The following SNX29 variants were observed in gnomAD, a reference collection of about 807,000 sequenced individuals.
SNX29 encodes sorting nexin-29.
In SNX29, 78 loss-of-function variants were observed where a neutral mutation model predicts 102.1. The ratio of observed to expected loss-of-function variants is 0.76; its 90% CI spans 0.64 to 0.92. The LOEUF (loss-of-function observed/expected upper bound fraction) is 0.92, where lower values mean the gene tolerates loss of function less well. Ranked by LOEUF, SNX29 falls within the 40% of genes least tolerant of loss-of-function variation. The probability of loss-of-function intolerance (pLI) is 0.00; values close to 1 mark genes in which losing one functional copy is unlikely to be tolerated. For missense variants in SNX29, 1,280 were observed against 1,061.7 expected (o/e 1.21, Z -2.86); for synonymous variants, 580 against 414.5 (o/e 1.40, Z -4.85).
At position 12,037,592 on chromosome 16, in the gene SNX29, A is replaced by G. The variant is rs2057512061; in HGVS notation, c.248-5305A>G. Among the ~76,000 whole-genome samples, 7 of 152,220 alleles carry G rather than the reference A, an allele frequency of 4.6e-5. No individual in the cohort carries two copies. The South Asian group carries it at 1.5e-3, about 32-fold the overall frequency. On this transcript the variant is annotated intron_variant, in intron 4 of 20. Coordinates refer to ENST00000566228, the MANE Select transcript of SNX29 (RefSeq NM_032167.5). Reference sequence around the variant, plus strand: ...TCCACCCCTGCAGTAGGGGGAGGTTAGGATAGTGCTGAAGGATCCCAGTGG... The same window carrying G: ...TCCACCCCTGCAGTAGGGGGAGGTTGGGATAGTGCTGAAGGATCCCAGTGG...
intron 13 of SNX29, among the ~76,000 whole-genome samples, chr16:12,142,337 C>T (rs374392135): frequency 1.4e-4 from 22 of 152,122 alleles, no homozygotes; most frequent in Middle Eastern, 3.4e-3. Context: ...TTGTGCCCTT[C>T]GCCATTGTTA....
At chr16:12,046,538 G>A (rs2151195384) in intron 6 of SNX29, 84 bp downstream of exon 6, 11 of 1,307,614 alleles carry the variant, frequency 8.4e-6, no homozygotes, top group Admixed American at 1.8e-5. Flanking sequence ...GCGCCATGGA[G>A]TGTTGTGATT....
At chr16:12,021,390 C>T (rs1194303986) in intron 3 of SNX29, among the ~76,000 whole-genome samples, 1 of 151,708 alleles carries the variant, frequency 6.6e-6, no homozygotes, top group East Asian at 1.9e-4. Flanking sequence ...CGCGCCACTG[C>T]ACTCCATTTT....
chr16:12,010,129 G>C (rs529237682), intron 3 of SNX29, among the ~76,000 whole-genome samples: 2 of 152,322 alleles, frequency 1.3e-5, no homozygotes, highest in African/African-American at 4.8e-5. Context: ...GTTGTTATGA[G>C]TCAGTTCATG....
chr16:12,572,864 T>A lies in SNX29; in HGVS notation c.*4235T>A. ...CATGCCCAGGTTTCAGCCCTAAAGGTAATGATTGTCTTGACTCTGCCTTGG... is the reference window on the plus strand; with the variant it reads ...CATGCCCAGGTTTCAGCCCTAAAGGAAATGATTGTCTTGACTCTGCCTTGG... On this transcript the variant is annotated 3_prime_UTR_variant, in exon 21 of 21. Transcript: ENST00000566228. The A allele has an allele frequency of 9.4e-7, 1 of 1,063,340 alleles. No homozygotes were observed. The highest frequency in any genetic ancestry group is 1.1e-6 in the Non-Finnish European group (1 of 877,828). The allele number at this position is 1,063,340 out of a possible 1,614,324, so 65.9% of individuals were successfully genotyped here. A position where few individuals can be genotyped will look rare whatever the true frequency, so the allele number is the denominator to read the frequency against.
intron 15 of SNX29, among the ~76,000 whole-genome samples, chr16:12,311,190 T>C (rs1269564609): frequency 6.6e-5 from 10 of 152,204 alleles, no homozygotes; most frequent in Admixed American, 3.9e-4. Context: ...GGAGTTTTTT[T>C]CTGAACCCCC....
intron 18 of SNX29, among the ~76,000 whole-genome samples, chr16:12,425,481 C>T (rs942661151): frequency 6.9e-6 from 1 of 145,196 alleles, no homozygotes; most frequent in Admixed American, 7.0e-5. Flanking sequence ...AATTCCATTG[C>T]ACGCTGATTC....
chr16:12,317,909 G>A (rs928467241), intron 15 of SNX29, among the ~76,000 whole-genome samples: 9 of 152,264 alleles, frequency 5.9e-5, no homozygotes, highest in African/African-American at 1.9e-4. Flanking sequence ...CCGACTGAGA[G>A]CTGAAAGGTA....
In SNX29 at chr16:12,182,850, C is replaced by G. The variant is rs189981766; in HGVS notation, c.1596-16751C>G. The stretch of plus-strand genomic sequence containing the variant: ...TCAGAAGGCTGAGGCAGGAGACTCC[C>G]TTGAACCTGGGAGGCGGAGGTTGCA... On this transcript the variant is annotated intron_variant, in intron 13 of 20. Transcript: ENST00000566228. Among the ~76,000 whole-genome samples, 6 of 147,940 alleles carry G rather than the reference C, an allele frequency of 4.1e-5. No individual in the cohort carries two copies. The East Asian group carries it at 1.2e-3, about 30-fold the overall frequency.
At chr16:12,412,978 A>AGTAACC (rs2084467427) in intron 18 of SNX29, among the ~76,000 whole-genome samples, 1 of 152,182 alleles carries the variant, frequency 6.6e-6, no homozygotes. Flanking sequence ...TGCGCCCAGA[A>AGTAACC]GTAACCCATC....
intron 11 of SNX29, among the ~76,000 whole-genome samples, chr16:12,111,951 C>G (rs1463808777): frequency 1.3e-5 from 2 of 152,138 alleles, no homozygotes; most frequent in Non-Finnish European, 2.9e-5. Context: ...AATGCACAGT[C>G]TTCATTCCGG....
chr16:12,320,677 T>G (rs1326128235), intron 15 of SNX29, among the ~76,000 whole-genome samples: 3 of 152,136 alleles, frequency 2.0e-5, no homozygotes, highest in Non-Finnish European at 4.4e-5. Flanking sequence ...CTAAGATCAC[T>G]CCAGCATAGA....
rs182833934 is a variant in SNX29 at position 12,555,592 on chromosome 16, C to A, written c.2319-12914C>A. ...CTCTCACCTCCATTTCTCCCTGTAC[C>A]CAGCAGCTGCCCTTAGTCCAGTGTG... On this transcript the variant is annotated intron_variant, in intron 20 of 20. Coordinates refer to ENST00000566228, the MANE Select transcript of SNX29 (RefSeq NM_032167.5). Among the ~76,000 whole-genome samples, 397 of 151,984 alleles carry A rather than the reference C, an allele frequency of 2.6e-3. 1 individual carries two copies. The highest frequency in any genetic ancestry group is 9.0e-3 in the African/African-American group (374 of 41,438).
intron 13 of SNX29, among the ~76,000 whole-genome samples, chr16:12,156,210 G>T (rs2055543106): frequency 6.6e-6 from 1 of 152,104 alleles, no homozygotes; most frequent in Admixed American, 6.5e-5. Flanking sequence ...GTCTTGCTCT[G>T]TCGCCCAGGC....
intron 11 of SNX29, among the ~76,000 whole-genome samples, chr16:12,094,715 C>T (rs1166196889): frequency 1.3e-5 from 2 of 152,186 alleles, no homozygotes; most frequent in African/African-American, 2.4e-5. Flanking sequence ...TGCTGCTGAA[C>T]GTCCTGTGGT....
At chr16:12,082,966 T>C (rs1367024771) in intron 11 of SNX29, among the ~76,000 whole-genome samples, 1 of 152,112 alleles carries the variant, frequency 6.6e-6, no homozygotes, top group Admixed American at 6.6e-5. Flanking sequence ...TTGCTTGGGC[T>C]ACCATAACAA....
chr16:12,058,065 C>T (rs993677730), intron 8 of SNX29, among the ~76,000 whole-genome samples: 1 of 151,996 alleles, frequency 6.6e-6, no homozygotes, highest in Non-Finnish European at 1.5e-5. Context: ...GGTGATCTGC[C>T]CACCTTGGCC....
intron 19 of SNX29, among the ~76,000 whole-genome samples, chr16:12,498,668 A>C (rs546833490): frequency 6.6e-6 from 1 of 152,382 alleles, no homozygotes; most frequent in South Asian, 2.1e-4. Context: ...ATAAGCAAAC[A>C]TGTAGGTAGT....
In SNX29 at chr16:12,561,331, C is replaced by T. The variant is rs555166007; in HGVS notation, c.2319-7175C>T. On this transcript the variant is annotated intron_variant, in intron 20 of 20. Coordinates refer to ENST00000566228, the MANE Select transcript of SNX29 (RefSeq NM_032167.5). Reference sequence around the variant, plus strand: ...CATCCTGGAGGCAGAACTGGGTTTTCAAAGTGGTGAGACTCACAGACTTAT... The same window carrying T: ...CATCCTGGAGGCAGAACTGGGTTTTTAAAGTGGTGAGACTCACAGACTTAT... Among the ~76,000 whole-genome samples the T allele has an allele frequency of 7.2e-5, 11 of 152,216 alleles. No individual in the cohort carries two copies. In the East Asian group the frequency reaches 1.9e-3, roughly 27 times the overall value.
Sources: gnomAD v4.1 joint callset for allele counts (sites outside exome capture counted in the v4.1 genomes callset) on GRCh38, gnomAD v4.1.1 for gene constraint, MANE v1.5 for transcripts, NCBI Gene and HGNC (gene_info 2026-07-23, HGNC 2026-07-21) for gene names.